Variants in CTDP1 observed in about 807,000 individuals in gnomAD.
The protein encoded by CTDP1 is RNA polymerase II subunit A C-terminal domain phosphatase.
CTDP1 carries 47 observed loss-of-function variants against 91.8 expected under a neutral mutation model. The observed-to-expected ratio is 0.51, with a 90% confidence interval of 0.41 to 0.65. The LOEUF (loss-of-function observed/expected upper bound fraction) is 0.65. Among genes scored for constraint, CTDP1 ranks in the 30% least tolerant of loss-of-function variants. The pLI, the probability that CTDP1 is intolerant of heterozygous loss-of-function variation, is 0.00. For missense variants in CTDP1, 1,272 were observed against 1,373.7 expected (o/e 0.93, Z 1.17); for synonymous variants, 656 against 598.5 (o/e 1.10, Z -1.40).
intron 3 of CTDP1, among the ~76,000 whole-genome samples, chr18:79,696,653 T>C (rs1398709824): frequency 1.3e-5 from 2 of 152,006 alleles, no homozygotes; most frequent in Non-Finnish European, 2.9e-5. Context: ...GTGTTTGCCT[T>C]GTAGCCGACA....
intron 11 of CTDP1, among the ~76,000 whole-genome samples, chr18:79,729,875 C>T (rs1023143879): frequency 2.0e-5 from 3 of 152,212 alleles, no homozygotes; most frequent in Non-Finnish European, 2.9e-5. Flanking sequence ...GGGCACAGGC[C>T]GTCCCCTTCC....
At chr18:79,738,180 C>T (rs558461009) in intron 12 of CTDP1, among the ~76,000 whole-genome samples, 8 of 152,338 alleles carry the variant, frequency 5.3e-5, no homozygotes, top group African/African-American at 1.9e-4. Flanking sequence ...TGCGTAACCC[C>T]AGGTGGCAGC....
At chr18:79,698,597 G>C (rs2085795146) in intron 4 of CTDP1, among the ~76,000 whole-genome samples, 1 of 152,238 alleles carries the variant, frequency 6.6e-6, no homozygotes, top group African/African-American at 2.4e-5. Context: ...CGAAGGCTTT[G>C]AATGTCTGTG....
chr18:79,681,522 G>A (rs745585603), intron 1 of CTDP1: 1 of 983,426 alleles, frequency 1.0e-6, no homozygotes, highest in Non-Finnish European at 1.2e-6. Flanking sequence ...AGACAGGTGA[G>A]TAACTTGGTT....
At chr18:79,708,525 G>A (rs923183935) in intron 5 of CTDP1, among the ~76,000 whole-genome samples, 1 of 151,916 alleles carries the variant, frequency 6.6e-6, no homozygotes, top group Non-Finnish European at 1.5e-5. Flanking sequence ...GGGTGCATTC[G>A]GATCCGGAAG....
chr18:79,733,053 G>A (rs59331110), intron 11 of CTDP1, among the ~76,000 whole-genome samples: 78,023 of 151,734 alleles, frequency 0.51, 20,707 homozygotes, highest in Middle Eastern at 0.65. Flanking sequence ...CGTGGTGGGC[G>A]TGGCCAAAGC....
At chr18:79,717,711 G>A (rs750571178) in intron 9 of CTDP1, 35 bp downstream of exon 9, 10 of 1,613,946 alleles carry the variant, frequency 6.2e-6, no homozygotes, top group Non-Finnish European at 7.6e-6. Context: ...GTCCGTGCCA[G>A]GCGTTCCCTT....
At chr18:79,729,110 T>C (rs745711519) in intron 11 of CTDP1, 41 bp downstream of exon 11, 18 of 1,610,480 alleles carry the variant, frequency 1.1e-5, no homozygotes, top group African/African-American at 4.0e-5. Context: ...CCAGCGCTCG[T>C]GCTGGGGCCG....
intron 1 of CTDP1, 23 bp from the exon 2 acceptor site, chr18:79,695,202 G>T: frequency 6.2e-7 from 1 of 1,610,156 alleles, no homozygotes; most frequent in Non-Finnish European, 8.5e-7. Flanking sequence ...TTAAAGTGTT[G>T]TTCCCCTTGT....
At chr18:79,710,660 A>G (rs1440465708) in intron 6 of CTDP1, among the ~76,000 whole-genome samples, 2 of 147,230 alleles carry the variant, frequency 1.4e-5, no homozygotes, top group African/African-American at 5.1e-5. Context: ...AGCTAGGACT[A>G]CAGGCACCCA....
At chr18:79,727,425 G>A (rs1204083520) in intron 10 of CTDP1, among the ~76,000 whole-genome samples, 1 of 151,506 alleles carries the variant, frequency 6.6e-6, no homozygotes, top group Non-Finnish European at 1.5e-5. Flanking sequence ...CGCAGCGTTC[G>A]TGGGGTGGGA....
intron 11 of CTDP1, among the ~76,000 whole-genome samples, chr18:79,732,192 C>G (rs898842663): frequency 6.6e-6 from 1 of 150,598 alleles, no homozygotes; most frequent in Non-Finnish European, 1.5e-5. Flanking sequence ...CGTAAGAACT[C>G]GCTGTCATCA....
chr18:79,712,345 G>C (rs2086101973), intron 6 of CTDP1, among the ~76,000 whole-genome samples: 1 of 152,140 alleles, frequency 6.6e-6, no homozygotes, highest in South Asian at 2.1e-4. Flanking sequence ...GCAGTAGTGT[G>C]GTCTCAGCTC....
chr18:79,707,216 A>G (rs927698817), intron 5 of CTDP1, among the ~76,000 whole-genome samples: 1 of 152,192 alleles, frequency 6.6e-6, no homozygotes, highest in Non-Finnish European at 1.5e-5. Flanking sequence ...CACCCGTCAC[A>G]CCAGCAGGCA....
Position 79,753,703 on chromosome 18 carries a change from G to A in CTDP1, c.2799G>A (p.Arg933=), listed in dbSNP as rs780682914. Residue 933 remains arginine (R), a synonymous_variant, in exon 13 of 13, where the codon AGG becomes AGA. Coordinates refer to ENST00000613122, the MANE Select transcript of CTDP1 (RefSeq NM_004715.5). ...AGGACGCCGCCAGCGAGTCCAGCAGGGAGTCCAGCAACGAGGATGAGGGCA... is the reference window on the plus strand; with the variant it reads ...AGGACGCCGCCAGCGAGTCCAGCAGAGAGTCCAGCAACGAGGATGAGGGCA... The part of the protein sequence containing the change: ...NEEDAASESS[R]ESSNEDEGSS... 1.8e-5 allele frequency: 29 copies of A among 1,613,998 alleles called. No homozygotes were observed. Among genetic ancestry groups the A allele is most frequent in the Non-Finnish European group, 2.5e-5 (29 of 1,179,968 alleles).
rs1473406754 is a variant in CTDP1 at position 79,679,986 on chromosome 18, C to G, written c.39C>G (p.Gly13=). 2.2e-6 allele frequency: 3 copies of G among 1,347,464 alleles called. No homozygotes were observed. The highest frequency in any genetic ancestry group is 3.2e-5 in the Admixed American group (1 of 31,512). The allele number at this position is 1,347,464 out of a possible 1,614,324, so 83.5% of individuals were successfully genotyped here. A position where few individuals can be genotyped will look rare whatever the true frequency, so the allele number is the denominator to read the frequency against. ...CCGCGGGTCGCGTTCCTGCCGAGGG[C>G]GCCCCGACGGCGGCTGTGGCCGAGG... is the stretch of plus-strand genomic sequence containing the variant. ...VPAAGRVPAE[G]APTAAVAEVR... is the part of the protein sequence containing the mutation. The change falls in exon 1 of 13, where the codon GGC becomes GGG. Residue 13 remains glycine, a synonymous_variant. Coordinates refer to ENST00000613122, the MANE Select transcript of CTDP1 (RefSeq NM_004715.5).
chr18:79,753,141 C>T (rs1427648610), intron 12 of CTDP1, among the ~76,000 whole-genome samples: 2 of 151,938 alleles, frequency 1.3e-5, no homozygotes, highest in Non-Finnish European at 2.9e-5. Context: ...TATGCAGAGG[C>T]TCGTAAGGAA....
intron 5 of CTDP1, among the ~76,000 whole-genome samples, chr18:79,707,811 C>A (rs530806): frequency 0.52 from 78,550 of 152,016 alleles, 20,997 homozygotes; most frequent in Middle Eastern, 0.66. Flanking sequence ...GAGGTCCGGA[C>A]TGAAGCCTGA....
At chr18:79,696,154 C>T (rs1403129221) in intron 3 of CTDP1, 84 bp downstream of exon 3, 8 of 1,193,586 alleles carry the variant, frequency 6.7e-6, no homozygotes, top group Non-Finnish European at 9.7e-6. Flanking sequence ...GCTGCAGAAG[C>T]ACGGACGTGT....
Sources: allele counts gnomAD v4.1 joint callset (sites outside exome capture counted in the v4.1 genomes callset), GRCh38; gene constraint gnomAD v4.1.1; transcripts MANE v1.5; gene names NCBI Gene and HGNC (gene_info 2026-07-23, HGNC 2026-07-21).